The following POC1B variants were observed in gnomAD, a reference collection of about 807,000 sequenced individuals.
POC1B encodes POC1 centriolar protein B.
Under a neutral mutation model 60.6 loss-of-function variants are expected in POC1B, and 44 were observed. The ratio of observed to expected loss-of-function variants is 0.73; its 90% CI spans 0.57 to 0.93. POC1B has a LOEUF of 0.93. POC1B is among the 40% of genes least tolerant of loss of function. The probability of loss-of-function intolerance (pLI) is 0.00; values close to 1 mark genes in which losing one functional copy is unlikely to be tolerated. For missense variants in POC1B, 555 were observed against 572.3 expected, an observed-to-expected ratio of 0.97 and a Z score of 0.31; for synonymous variants, 180 against 198.9, an observed-to-expected ratio of 0.90 and a Z score of 0.80.
chr12:89,453,143 AATGTC>A (rs1413345115), intron 10 of POC1B, among the ~76,000 whole-genome samples: 1 of 152,138 alleles, frequency 6.6e-6, no homozygotes, highest in Non-Finnish European at 1.5e-5. Context: ...CTGTTTTTTA[AATGTC>A]TTTGACAATT....
intron 2 of POC1B, chr12:89,501,861 A>G (rs1869587538): frequency 1.7e-6 from 2 of 1,186,986 alleles, no homozygotes; most frequent in Admixed American, 3.4e-5. Context: ...CAGCAACTAA[A>G]GACAGCCAAA....
At chr12:89,507,266 CAA>C (rs34750133) in intron 2 of POC1B, among the ~76,000 whole-genome samples, 18 of 64,042 alleles carry the variant, frequency 2.8e-4, no homozygotes, top group South Asian at 7.8e-4. Flanking sequence ...GGCCCTGTCT[CAA>C]AAAAAAAAAA....
intron 3 of POC1B, among the ~76,000 whole-genome samples, chr12:89,492,716 C>T (rs1869047264): frequency 6.6e-6 from 1 of 152,296 alleles, no homozygotes; most frequent in East Asian, 1.9e-4. Context: ...AGCGTGACAT[C>T]CGCCTGTGTC....
At chr12:89,525,679 G>A (rs913588923) in intron 1 of POC1B, 7 of 1,245,454 alleles carry the variant, frequency 5.6e-6, no homozygotes, top group Non-Finnish European at 7.2e-6. Context: ...AAGAGCGTCC[G>A]GGAGCCGGGT....
chr12:89,462,813 C>T (rs980112882), intron 9 of POC1B, among the ~76,000 whole-genome samples: 2 of 151,856 alleles, frequency 1.3e-5, no homozygotes, highest in African/African-American at 2.4e-5. Context: ...CTTATTTCAC[C>T]GAGATTTTAG....
chr12:89,436,401 A>T (rs543567958), intron 10 of POC1B, among the ~76,000 whole-genome samples: 2 of 152,196 alleles, frequency 1.3e-5, no homozygotes, highest in East Asian at 3.9e-4. Flanking sequence ...GAATTTACCA[A>T]ATAACCAGCA....
At chr12:89,437,204 C>T (rs1254783088) in intron 10 of POC1B, among the ~76,000 whole-genome samples, 2 of 152,124 alleles carry the variant, frequency 1.3e-5, no homozygotes, top group Non-Finnish European at 2.9e-5. Flanking sequence ...CTCCCTCCAA[C>T]CCCTCCTTTT....
chr12:89,421,376 T>C (rs1017623317), intron 11 of POC1B, 119 bp from the exon 12 acceptor site: 20 of 806,392 alleles, frequency 2.5e-5, no homozygotes, highest in Admixed American at 5.0e-5. Flanking sequence ...TACCAAGAAG[T>C]TGGCTCAAAA....
chr12:89,483,803 G>C (rs961998931), intron 4 of POC1B, among the ~76,000 whole-genome samples: 1 of 152,134 alleles, frequency 6.6e-6, no homozygotes, highest in Admixed American at 6.5e-5. Flanking sequence ...TTCACTACAA[G>C]AAATGGTAAG....
At chr12:89,434,239 A>C (rs1169571902) in intron 10 of POC1B, among the ~76,000 whole-genome samples, 1 of 152,182 alleles carries the variant, frequency 6.6e-6, no homozygotes, top group Non-Finnish European at 1.5e-5. Flanking sequence ...TTTATAGAGG[A>C]CTTTGCTTTT....
At chr12:89,446,109 T>G (rs1881774955) in intron 10 of POC1B, among the ~76,000 whole-genome samples, 1 of 151,584 alleles carries the variant, frequency 6.6e-6, no homozygotes, top group Non-Finnish European at 1.5e-5. Context: ...AAACAACAGG[T>G]GCTGGAGAGG....
At chr12:89,500,741 A>G (rs1160630205) in intron 2 of POC1B, 11 of 1,191,088 alleles carry the variant, frequency 9.2e-6, no homozygotes, top group Admixed American at 2.2e-5. Context: ...TATTTTAAAG[A>G]AAATAGAAAT....
At chr12:89,501,388 C>A in intron 2 of POC1B, 1 of 1,020,578 alleles carries the variant, frequency 9.8e-7, no homozygotes. Flanking sequence ...TATGGCTAAA[C>A]CAGCTGAAGA....
chr12:89,415,660 TAAAG>T (rs931210458), downstream of POC1B, among the ~76,000 whole-genome samples: 568 of 151,320 alleles, frequency 3.8e-3, 2 homozygotes, highest in African/African-American at 0.013. Flanking sequence ...AAAAAAATAA[TAAAG>T]AAAATAATAA....
At chr12:89,489,230 T>A (rs1412668008) in intron 4 of POC1B, among the ~76,000 whole-genome samples, 1 of 152,214 alleles carries the variant, frequency 6.6e-6, no homozygotes, top group Non-Finnish European at 1.5e-5. Context: ...AGATATTTAC[T>A]CATTTGAATA....
chr12:89,473,543 C>T (rs1882986767), intron 4 of POC1B, among the ~76,000 whole-genome samples: 2 of 151,854 alleles, frequency 1.3e-5, no homozygotes, highest in African/African-American at 4.8e-5. Context: ...TGCCTGTAAT[C>T]CCAGCTACTC....
At position 89,496,413 on chromosome 12, in the gene POC1B, C is replaced by G. The variant is rs538936009; in HGVS notation, c.272+758G>C. Among the ~76,000 whole-genome samples, 5 of 151,966 alleles carry G rather than the reference C, an allele frequency of 3.3e-5. No homozygotes were observed. In the South Asian group the frequency reaches 8.3e-4, roughly 25 times the overall value. Reference sequence around the variant, plus strand: ...ATGTAGGATTTTTTCTAAAAATACTCCAGGGGAAAAAGTGAGGGGAGGTGT... The same window carrying G: ...ATGTAGGATTTTTTCTAAAAATACTGCAGGGGAAAAAGTGAGGGGAGGTGT... On this transcript the variant is annotated intron_variant, in intron 3 of 11. Transcript: ENST00000313546.
chr12:89,406,863 A>C, the POC1B span, among the ~76,000 whole-genome samples: 5 of 152,012 alleles, frequency 3.3e-5, no homozygotes, highest in East Asian at 9.7e-4. Context: ...CCAGAAATCT[A>C]GGCCGGGCAC....
At chr12:89,517,018 GT>G (rs1415084670) in intron 2 of POC1B, among the ~76,000 whole-genome samples, 2 of 152,172 alleles carry the variant, frequency 1.3e-5, no homozygotes, top group East Asian at 3.9e-4. Flanking sequence ...CACATCACAG[GT>G]TCCAAGGACT....
Sources: gnomAD v4.1 joint callset for allele counts (sites outside exome capture counted in the v4.1 genomes callset) on GRCh38, gnomAD v4.1.1 for gene constraint, MANE v1.5 for transcripts, NCBI Gene and HGNC (gene_info 2026-07-23, HGNC 2026-07-21) for gene names.